Variants in DIAPH2 observed in about 807,000 individuals in gnomAD.
DIAPH2 encodes the protein protein diaphanous homolog 2.
In DIAPH2, 35 loss-of-function variants were observed where a neutral mutation model predicts 92.7. The observed-to-expected ratio is 0.38, with a 90% CI of 0.29 to 0.50. The LOEUF (loss-of-function observed/expected upper bound fraction) is 0.50. DIAPH2 is among the 20% of genes least tolerant of loss of function. DIAPH2 has a pLI of 0.94. For synonymous variants in DIAPH2, 301 were observed against 280.4 expected (o/e 1.07, Z -0.73); for missense variants, 701 against 819.5 (o/e 0.86, Z 1.77).
intron 23 of DIAPH2, among the ~76,000 whole-genome samples, chrX:97,322,930 A>G (rs1436050220): frequency 1.0e-5 from 1 of 97,156 alleles, no homozygotes; most frequent in African/African-American, 3.8e-5. Context: ...TTTTGAGAGA[A>G]GTCTCACTCT....
intron 26 of DIAPH2, among the ~76,000 whole-genome samples, chrX:97,430,412 A>G (rs977614188): frequency 1.8e-5 from 2 of 112,425 alleles, no homozygotes; most frequent in Non-Finnish European, 3.8e-5. Flanking sequence ...TAAATAATGT[A>G]ATAGCTCCTC....
intron 22 of DIAPH2, among the ~76,000 whole-genome samples, chrX:97,157,888 C>T (rs1044318268): frequency 2.7e-5 from 3 of 111,966 alleles, no homozygotes; most frequent in South Asian, 3.7e-4. Flanking sequence ...ATATAGTTAG[C>T]GCAGAAAAGT....
intron 24 of DIAPH2, among the ~76,000 whole-genome samples, chrX:97,367,701 TC>T (rs1216980996): frequency 9.2e-6 from 1 of 108,549 alleles, no homozygotes; most frequent in Non-Finnish European, 1.9e-5. Context: ...CGGTAAAATA[TC>T]TTTTTTTTTT....
chrX:97,320,714 C>CAAAAA (rs146316009), intron 23 of DIAPH2, among the ~76,000 whole-genome samples: 3 of 40,158 alleles, frequency 7.5e-5, no homozygotes, highest in Non-Finnish European at 1.5e-4. Context: ...GACTCCGTCT[C>CAAAAA]AAAAAAAAAA....
Position 97,390,280 on chromosome X carries a change from C to T in DIAPH2, c.3145+6236C>T, listed in dbSNP as rs184781716. ...TGTTGCCAAGACTGGAGTGCAGTGGCGCAGTCTTGTCTCGCTACAGTCTCT... is the reference window on the plus strand; with the variant it reads ...TGTTGCCAAGACTGGAGTGCAGTGGTGCAGTCTTGTCTCGCTACAGTCTCT... On this transcript the variant is annotated intron_variant, in intron 25 of 26. Transcript: ENST00000324765. 3.4e-4 allele frequency among the ~76,000 whole-genome samples: 28 copies of T among 82,050 alleles called. 1 individual carries two copies. The highest frequency in any genetic ancestry group is 1.2e-3 in the African/African-American group (25 of 20,861). 71.3% of individuals were successfully genotyped at this position (82,050 alleles called of 115,157 possible). A position where few individuals can be genotyped will look rare whatever the true frequency, so the allele number is the denominator to read the frequency against.
chrX:96,698,300 A>G (rs1356099096), intron 1 of DIAPH2, among the ~76,000 whole-genome samples: 1 of 111,924 alleles, frequency 8.9e-6, no homozygotes, highest in Non-Finnish European at 1.9e-5. Flanking sequence ...GGAAAAATTA[A>G]TGCTATCTCC....
chrX:97,491,601 G>A (rs1159909358), intron 26 of DIAPH2, among the ~76,000 whole-genome samples: 1 of 110,522 alleles, frequency 9.0e-6, no homozygotes, highest in Non-Finnish European at 1.9e-5. Flanking sequence ...AGTACAGACA[G>A]GGTTTCACCA....
chrX:97,129,544 T>C (rs1054293296), intron 21 of DIAPH2, among the ~76,000 whole-genome samples: 1 of 111,519 alleles, frequency 9.0e-6, no homozygotes, highest in Non-Finnish European at 1.9e-5. Flanking sequence ...TGAATATATA[T>C]GAAAAGATAT....
intron 3 of DIAPH2, among the ~76,000 whole-genome samples, chrX:96,742,468 G>A (rs1417391748): frequency 1.8e-5 from 2 of 111,251 alleles, no homozygotes; most frequent in African/African-American, 6.5e-5. Flanking sequence ...TCTCCACCAT[G>A]GTTCTCATGT....
intron 24 of DIAPH2, among the ~76,000 whole-genome samples, chrX:97,373,987 G>A (rs1398075167): frequency 9.0e-6 from 1 of 110,831 alleles, no homozygotes; most frequent in African/African-American, 3.3e-5. Flanking sequence ...GAATAGCTGA[G>A]GAAGAGATGA....
intron 23 of DIAPH2, among the ~76,000 whole-genome samples, chrX:97,320,267 G>A (rs1259352831): frequency 9.1e-6 from 1 of 109,541 alleles, no homozygotes; most frequent in Non-Finnish European, 1.9e-5. Flanking sequence ...CAACATAAAT[G>A]GTTAAACAGC....
At chrX:97,498,889 G>C (rs986220722) in intron 26 of DIAPH2, among the ~76,000 whole-genome samples, 2 of 111,373 alleles carry the variant, frequency 1.8e-5, no homozygotes, top group African/African-American at 6.5e-5. Context: ...CAGGTATAGT[G>C]AACCCCCAGA....
chrX:97,093,812 A>G (rs1029468417), intron 19 of DIAPH2, among the ~76,000 whole-genome samples: 14 of 112,044 alleles, frequency 1.2e-4, no homozygotes, highest in Non-Finnish European at 2.3e-4. Context: ...TAGTAAATAT[A>G]TCTGTGATCT....
rs985577639 is a variant in DIAPH2, at chrX:97,479,337, C to T, written c.3241+49592C>T. Among the ~76,000 whole-genome samples, 5 of 111,579 alleles carry T rather than the reference C, an allele frequency of 4.5e-5. No homozygotes were observed. The Admixed American group carries it at 4.8e-4, about 11-fold the overall frequency. ...AGACAACTGAAACTTGAGTTAAGCCCATGCCCCAGGAAAAGAAAGGTCAGG... is the reference window on the plus strand; with the variant it reads ...AGACAACTGAAACTTGAGTTAAGCCTATGCCCCAGGAAAAGAAAGGTCAGG... On this transcript the variant is annotated intron_variant, in intron 26 of 26. Transcript: ENST00000324765.
intron 25 of DIAPH2, among the ~76,000 whole-genome samples, chrX:97,393,296 TTGAC>T (rs1202256424): frequency 1.8e-5 from 2 of 111,801 alleles, no homozygotes; most frequent in East Asian, 5.6e-4. Flanking sequence ...AAGCAACAGA[TTGAC>T]TGATGAGCAA....
chrX:96,829,797 A>G (rs936981235), intron 4 of DIAPH2, among the ~76,000 whole-genome samples: 2 of 110,940 alleles, frequency 1.8e-5, no homozygotes, highest in African/African-American at 6.6e-5. Context: ...GCCAGGCCTA[A>G]ATGATTGATA....
intron 26 of DIAPH2, chrX:97,431,873 T>C (rs2070130172): frequency 8.9e-6 from 1 of 112,014 alleles, no homozygotes; most frequent in Non-Finnish European, 1.9e-5. Flanking sequence ...CCGGGGACTT[T>C]TACAGATTTC....
At chrX:97,115,073 A>C in intron 21 of DIAPH2, 108 bp downstream of exon 21, 1 of 764,278 alleles carries the variant, frequency 1.3e-6, no homozygotes, top group East Asian at 3.3e-5. Context: ...TATGCTTAAA[A>C]AGGGTGAATT....
chrX:97,200,903 A>G (rs1384859954), intron 22 of DIAPH2, among the ~76,000 whole-genome samples: 12 of 111,447 alleles, frequency 1.1e-4, no homozygotes, highest in Non-Finnish European at 1.7e-4. Context: ...GGGCTTGACA[A>G]ATATCTCATA....
Sources: gnomAD v4.1 joint callset for allele counts (sites outside exome capture counted in the v4.1 genomes callset) on GRCh38, gnomAD v4.1.1 for gene constraint, MANE v1.5 for transcripts, NCBI Gene and HGNC (gene_info 2026-07-23, HGNC 2026-07-21) for gene names.